MIGA1: variants seen among roughly 807,000 people sequenced by gnomAD.
MIGA1 encodes mitoguardin 1.
A neutral mutation model predicts 82.0 loss-of-function variants in MIGA1; 58 were observed. The observed-to-expected ratio is 0.71, with a 90% CI of 0.57 to 0.88. The LOEUF is 0.88. Ranked by LOEUF, MIGA1 falls within the 40% of genes least tolerant of loss-of-function variation. MIGA1 has a pLI of 0.00. For synonymous variants in MIGA1, 249 were observed against 253.6 expected (o/e 0.98, Z 0.17); for missense variants, 751 against 749.1 (o/e 1.00, Z -0.03).
chr1:77,803,393 A>G lies in MIGA1; in HGVS notation c.497A>G (p.Gln166Arg). 3 of 1,540,374 alleles carry G rather than the reference A, an allele frequency of 1.9e-6. No individual in the cohort carries two copies. The highest frequency in any genetic ancestry group is 2.6e-6 in the Non-Finnish European group (3 of 1,143,496). The change falls in exon 4 of 16, where the codon CAG becomes CGG. Residue 166 changes from glutamine to arginine, a missense_variant. Physicochemically the swap from Gln to Arg is conservative, Grantham distance 43 (BLOSUM62 1). This residue lies in a region of MIGA1 where 482 missense variants were observed against 439.4 expected (regional missense o/e 1.10). Transcript: ENST00000370791. ...TTCAGTAAATATTCAGGTTCTGCAC[A>G]GAGTTTGGCCTCTGTAAGTACAGAA... is the stretch of plus-strand genomic sequence containing the variant.
chr1:77,872,046 C>G (rs1646845172), intron 14 of MIGA1, among the ~76,000 whole-genome samples: 1 of 152,044 alleles, frequency 6.6e-6, no homozygotes, highest in African/African-American at 2.4e-5. Context: ...TGGCTCACTG[C>G]ACCATCCAAT....
intron 7 of MIGA1, among the ~76,000 whole-genome samples, chr1:77,830,332 CA>C (rs757436563): frequency 6.6e-6 from 1 of 152,072 alleles, no homozygotes; most frequent in Non-Finnish European, 1.5e-5. Context: ...AAGTCCCTTA[CA>C]GTTTCATTGT....
intron 2 of MIGA1, among the ~76,000 whole-genome samples, chr1:77,797,481 C>G (rs981874749): frequency 2.0e-5 from 3 of 151,964 alleles, no homozygotes; most frequent in Non-Finnish European, 4.4e-5. Context: ...AGTTCTTTTG[C>G]CTTTTCTTAA....
chr1:77,799,595 T>G (rs1682791933), intron 2 of MIGA1, among the ~76,000 whole-genome samples: 1 of 152,226 alleles, frequency 6.6e-6, no homozygotes, highest in African/African-American at 2.4e-5. Context: ...GGCCTTCAGT[T>G]TTCCTTGTTG....
chr1:77,848,407 A>G, intron 8 of MIGA1: 1 of 922,018 alleles, frequency 1.1e-6, no homozygotes, highest in Non-Finnish European at 1.7e-6. Flanking sequence ...GTAAGGAAAG[A>G]AAGATATGAA....
At position 77,820,030 on chromosome 1, in the gene MIGA1, C is replaced by G. The variant is rs140405325; in HGVS notation, c.895+4799C>G. On this transcript the variant is annotated intron_variant, in intron 7 of 15. Coordinates refer to ENST00000370791, the MANE Select transcript of MIGA1 (RefSeq NM_198549.4). ...CCCTGTAGGAAAGGTCAGCTTAGAG[C>G]AGGCAGCCTGGAAATTCCACAGCTG... 2.2e-4 allele frequency among the ~76,000 whole-genome samples: 34 copies of G among 151,794 alleles called. 1 individual carries two copies. The highest frequency in any genetic ancestry group is 7.7e-4 in the African/African-American group (32 of 41,360).
At chr1:77,798,206 C>T (rs1359058739) in intron 2 of MIGA1, among the ~76,000 whole-genome samples, 2 of 152,184 alleles carry the variant, frequency 1.3e-5, no homozygotes, top group African/African-American at 4.8e-5. Flanking sequence ...GCTGAAATCA[C>T]AGTGTAGCAG....
intron 8 of MIGA1, among the ~76,000 whole-genome samples, chr1:77,858,329 A>C: frequency 6.6e-6 from 1 of 151,564 alleles, no homozygotes; most frequent in East Asian, 1.9e-4. Context: ...CCTGGGTGAC[A>C]GTGAGACCCT....
At chr1:77,790,222 C>G (rs954315621) in intron 2 of MIGA1, among the ~76,000 whole-genome samples, 4 of 152,178 alleles carry the variant, frequency 2.6e-5, no homozygotes, top group Non-Finnish European at 4.4e-5. Context: ...CTATCAAGAT[C>G]CAGAACTCTT....
At chr1:77,847,649 G>C in intron 8 of MIGA1, 1 of 1,565,810 alleles carries the variant, frequency 6.4e-7, no homozygotes, top group East Asian at 2.2e-5. Context: ...AAGCGTGTTT[G>C]GATGTAACCA....
intron 5 of MIGA1, 25 bp from the exon 6 acceptor site, chr1:77,813,709 A>G: frequency 6.2e-7 from 1 of 1,610,720 alleles, no homozygotes; most frequent in Non-Finnish European, 8.5e-7. Flanking sequence ...TGCTCAGTTA[A>G]AATTGTTCTG....
intron 8 of MIGA1, among the ~76,000 whole-genome samples, chr1:77,858,051 A>G (rs988402786): frequency 4.8e-4 from 73 of 152,160 alleles, no homozygotes; most frequent in African/African-American, 1.4e-3. Flanking sequence ...TTGGTGAACT[A>G]TAAGATACAG....
chr1:77,833,642 T>C (rs1167781153), intron 7 of MIGA1, among the ~76,000 whole-genome samples: 1 of 152,194 alleles, frequency 6.6e-6, no homozygotes, highest in African/African-American at 2.4e-5. Flanking sequence ...CCACTTTCCT[T>C]CAGGAAGATG....
intron 7 of MIGA1, among the ~76,000 whole-genome samples, chr1:77,831,634 A>T (rs1684250760): frequency 6.6e-6 from 1 of 152,136 alleles, no homozygotes; most frequent in African/African-American, 2.4e-5. Context: ...AATAACTTAT[A>T]CTTTAGGAGA....
intron 2 of MIGA1, among the ~76,000 whole-genome samples, chr1:77,788,025 C>T (rs1475413776): frequency 6.6e-6 from 1 of 151,548 alleles, no homozygotes. Flanking sequence ...CTCGCTTCTT[C>T]ACCCAGGTTA....
At chr1:77,811,191 A>G (rs1683313788) in intron 5 of MIGA1, 40 of 1,541,970 alleles carry the variant, frequency 2.6e-5, no homozygotes, top group Non-Finnish European at 3.5e-5. Flanking sequence ...AGTCTATGCC[A>G]TTCAGATCCT....
intron 13 of MIGA1, among the ~76,000 whole-genome samples, chr1:77,865,538 A>G (rs1685631417): frequency 1.3e-5 from 2 of 152,168 alleles, no homozygotes; most frequent in Admixed American, 6.5e-5. Context: ...GGTTGCAGTG[A>G]ACCGAGATCA....
chr1:77,803,231 G>A (rs762795467), intron 3 of MIGA1, 39 bp from the exon 4 acceptor site: 9 of 1,291,414 alleles, frequency 7.0e-6, no homozygotes, highest in Middle Eastern at 2.6e-4. Context: ...TATCATTGGC[G>A]TTATTGATAT....
At position 77,863,910 on chromosome 1, in the gene MIGA1, T is replaced by G; in HGVS notation, c.1391T>G (p.Phe464Cys). The change falls in exon 13 of 16, where the codon TTT becomes TGT. Residue 464 changes from phenylalanine (F) to cysteine (C), a missense_variant. Physicochemically the swap from Phe to Cys is radical, Grantham distance 205. Around this residue, in one of 3 missense-constraint regions of MIGA1, gnomAD observed 265 missense variants for 293.6 expected, o/e 0.90. Transcript: ENST00000370791. ...TTAATGCAGGTGAAAAATCTAAATT[T>G]TTATGATGTTGTTCTGGATTTTATA... 5.8e-6 allele frequency: 9 copies of G among 1,563,058 alleles called. No individual in the cohort carries two copies. The highest frequency in any genetic ancestry group is 7.8e-6 in the Non-Finnish European group (9 of 1,155,466).
Sources: allele counts gnomAD v4.1 joint callset (sites outside exome capture counted in the v4.1 genomes callset), GRCh38; gene constraint gnomAD v4.1.1; regional missense constraint gnomAD v4.1.1; transcripts MANE v1.5; gene names NCBI Gene and HGNC (gene_info 2026-07-23, HGNC 2026-07-21).